The following KMT2C variants were observed in gnomAD, a reference collection of about 807,000 sequenced individuals.
KMT2C encodes the protein lysine methyltransferase 2C.
In KMT2C, 88 loss-of-function variants were observed where a neutral mutation model predicts 507.9. That is an observed-to-expected ratio of 0.17 (90% CI 0.15 to 0.21). The LOEUF (loss-of-function observed/expected upper bound fraction) is 0.21. KMT2C is among the 10% of genes least tolerant of loss of function. The probability of loss-of-function intolerance (pLI) is 1.00; values close to 1 mark genes in which losing one functional copy is unlikely to be tolerated. For missense variants in KMT2C, 4,954 were observed against 5,957.8 expected (o/e 0.83, Z 5.55); for synonymous variants, 2,049 against 2,080.8 (o/e 0.98, Z 0.42).
Position 152,372,839 on chromosome 7 carries a change from G to A in KMT2C, c.162-14164C>T, listed in dbSNP as rs190283343. ...AAAATTAATAAGGAAACACAGACTT[G>A]AACATTACAGACTAAATGGACCTAA... On this transcript the variant is annotated intron_variant, in intron 1 of 58. Transcript: ENST00000262189. Among the ~76,000 whole-genome samples the A allele has an allele frequency of 2.2e-3, 336 of 152,260 alleles. 3 individuals carry two copies. The highest frequency in any genetic ancestry group is 0.01 in the Middle Eastern group (3 of 294).
At chr7:152,380,635 G>A (rs201846164) in intron 1 of KMT2C, among the ~76,000 whole-genome samples, 487 of 115,756 alleles carry the variant, frequency 4.2e-3, no homozygotes, top group Middle Eastern at 0.027. Context: ...CTACTTGGGA[G>A]GCTGAGATGG....
At chr7:152,394,939 T>G (rs1464460006) in intron 1 of KMT2C, among the ~76,000 whole-genome samples, 1 of 152,210 alleles carries the variant, frequency 6.6e-6, no homozygotes, top group Middle Eastern at 3.2e-3. Flanking sequence ...AGGTAAATTT[T>G]ATTTATGGTT....
At chr7:152,243,440 G>A (rs1221266565) in intron 14 of KMT2C, among the ~76,000 whole-genome samples, 3 of 152,142 alleles carry the variant, frequency 2.0e-5, no homozygotes, top group Admixed American at 2.0e-4. Flanking sequence ...TTGTCCAAGA[G>A]ATATCAAAAT....
chr7:152,264,327 T>C (rs1219690239), intron 8 of KMT2C, among the ~76,000 whole-genome samples: 1 of 152,170 alleles, frequency 6.6e-6, no homozygotes. Context: ...TAAATGAAGA[T>C]ACTGGTAACA....
At chr7:152,366,966 A>AC in intron 1 of KMT2C, 1 of 539,610 alleles carries the variant, frequency 1.9e-6, no homozygotes, top group Non-Finnish European at 3.3e-6. Context: ...GAAGCTCCTC[A>AC]ATGGCCAGCG....
chr7:152,388,983 G>A (rs537000570), intron 1 of KMT2C, among the ~76,000 whole-genome samples: 2 of 152,186 alleles, frequency 1.3e-5, no homozygotes, highest in Non-Finnish European at 2.9e-5. Flanking sequence ...CCCAACCTCA[G>A]GTTATCCGCC....
chr7:152,435,204 G>C (rs992982795), intron 1 of KMT2C, among the ~76,000 whole-genome samples: 5 of 151,962 alleles, frequency 3.3e-5, no homozygotes, highest in South Asian at 2.1e-4. Context: ...TGACAGCTCC[G>C]AGAGTTTCCC....
At chr7:152,255,144 T>TATATACAC (rs1361185988) in intron 9 of KMT2C, among the ~76,000 whole-genome samples, 1 of 120,396 alleles carries the variant, frequency 8.3e-6, no homozygotes, top group African/African-American at 3.4e-5. Flanking sequence ...TATATATATA[T>TATATACAC]ACATATATAT....
At position 152,148,465 on chromosome 7, in the gene KMT2C, C is replaced by A; in HGVS notation, c.13462G>T (p.Ala4488Ser). ...AAAAACATGCATTGTGCTTTAATGGCGCAAGTGAAGTGATAAATGTTGGTG... is the reference window on the plus strand; with the variant it reads ...AAAAACATGCATTGTGCTTTAATGGAGCAAGTGAAGTGATAAATGTTGGTG... The part of the protein sequence containing the change: ...RCTNIYHFTC[A>S]IKAQCMFFKD... The change falls in exon 52 of 59, where the codon GCC (alanine) becomes TCC (serine). Residue 4488 changes from alanine to serine, a missense_variant. Coordinates refer to ENST00000262189, the MANE Select transcript of KMT2C (RefSeq NM_170606.3). The surrounding 1 kb of genome is among the most constrained non-coding windows in gnomAD (Gnocchi z 7.1). 1 of 1,614,200 alleles carries A rather than the reference C, an allele frequency of 6.2e-7. No homozygotes were observed. The highest frequency in any genetic ancestry group is 8.5e-7 in the Non-Finnish European group (1 of 1,180,032).
At chr7:152,245,032 C>G (rs2095446847) in intron 14 of KMT2C, among the ~76,000 whole-genome samples, 1 of 152,180 alleles carries the variant, frequency 6.6e-6, no homozygotes, top group African/African-American at 2.4e-5. Context: ...CCTAACATCT[C>G]ACCTTCAGAA....
chr7:152,331,836 A>G (rs1323288399), intron 2 of KMT2C, among the ~76,000 whole-genome samples: 1 of 151,368 alleles, frequency 6.6e-6, no homozygotes, highest in Non-Finnish European at 1.5e-5. Flanking sequence ...TTTAGTAGAG[A>G]CTGGGTTTCA....
intron 6 of KMT2C, among the ~76,000 whole-genome samples, chr7:152,279,022 C>T (rs2096146918): frequency 6.6e-6 from 1 of 152,024 alleles, no homozygotes; most frequent in Non-Finnish European, 1.5e-5. Flanking sequence ...TTCAAATATA[C>T]ATAGAATTTT....
At chr7:152,263,511 G>A (rs1262835129) in intron 8 of KMT2C, among the ~76,000 whole-genome samples, 2 of 152,056 alleles carry the variant, frequency 1.3e-5, no homozygotes, top group African/African-American at 2.4e-5. Flanking sequence ...AGACACTGTC[G>A]TATAACGTAA....
intron 9 of KMT2C, among the ~76,000 whole-genome samples, chr7:152,257,996 G>GT (rs1348646008): frequency 3.3e-5 from 5 of 152,162 alleles, no homozygotes; most frequent in African/African-American, 1.2e-4. Flanking sequence ...ACAAACTTCT[G>GT]TAAGTGTATA....
chr7:152,400,119 TAACA>T (rs10566958), intron 1 of KMT2C, among the ~76,000 whole-genome samples: 43,924 of 151,520 alleles, frequency 0.29, 8,443 homozygotes, highest in African/African-American at 0.55. Flanking sequence ...CCATCCTGGC[TAACA>T]AACACGGTGA....
At chr7:152,312,292 G>C (rs574735564) in intron 4 of KMT2C, 124 of 161,628 alleles carry the variant, frequency 7.7e-4, no homozygotes, top group Middle Eastern at 3.0e-3. Flanking sequence ...TATTTCCTTT[G>C]GCTTTACTTA....
intron 1 of KMT2C, among the ~76,000 whole-genome samples, chr7:152,399,690 C>T (rs1208653641): frequency 2.0e-5 from 3 of 150,376 alleles, no homozygotes; most frequent in Non-Finnish European, 4.4e-5. Context: ...AAGATAACAA[C>T]AAAAATTACA....
In KMT2C at chr7:152,181,277, T is replaced by C. The variant is rs1160464370; in HGVS notation, c.6583A>G (p.Thr2195Ala). The change falls in exon 36 of 59, where the codon ACA (threonine) becomes GCA (alanine). Residue 2195 changes from threonine (T) to alanine (A), a missense_variant. Physicochemically the swap from Thr to Ala is moderately conservative, Grantham distance 58 (BLOSUM62 0). Transcript: ENST00000262189. The part of the protein sequence containing the change: ...TQTDLFVTPV[T>A]NQRHSDPYAH... ...TATGGATCAGAATGCCTCTGATTTGTTACAGGTGTAACAAACAAGTCAGTT... is the reference window on the plus strand; with the variant it reads ...TATGGATCAGAATGCCTCTGATTTGCTACAGGTGTAACAAACAAGTCAGTT... The C allele has an allele frequency of 2.2e-5, 36 of 1,614,066 alleles. No individual in the cohort carries two copies. The highest frequency in any genetic ancestry group is 2.7e-5 in the African/African-American group (2 of 75,008).
At chr7:152,195,853 C>T in intron 28 of KMT2C, 54 bp downstream of exon 28, 1 of 975,068 alleles carries the variant, frequency 1.0e-6, no homozygotes, top group African/African-American at 1.7e-5. Context: ...ACACATCATA[C>T]ACCTCTCGCT....
Sources: allele counts gnomAD v4.1 joint callset (sites outside exome capture counted in the v4.1 genomes callset), GRCh38; gene constraint gnomAD v4.1.1; non-coding constraint Gnocchi (gnomAD v3.1); transcripts MANE v1.5; gene names NCBI Gene and HGNC (gene_info 2026-07-23, HGNC 2026-07-21).